Variants in MAML3 observed in about 807,000 individuals in gnomAD.
MAML3 encodes mastermind like transcriptional coactivator 3, also known as mastermind-like protein 3.
MAML3 carries 27 observed loss-of-function variants against 101.9 expected under a neutral mutation model. The observed-to-expected ratio is 0.27, with a 90% confidence interval of 0.20 to 0.37. The LOEUF is 0.37. Ranked by LOEUF, MAML3 falls within the 10% of genes least tolerant of loss-of-function variation. The pLI, the probability that MAML3 is intolerant of heterozygous loss-of-function variation, is 1.00. For synonymous variants in MAML3, 501 were observed against 555.9 expected (o/e 0.90, Z 1.39); for missense variants, 1,316 against 1,444.9 (o/e 0.91, Z 1.45).
intron 1 of MAML3, among the ~76,000 whole-genome samples, chr4:140,102,738 A>T (rs1728273573): frequency 6.6e-6 from 1 of 151,240 alleles, no homozygotes; most frequent in South Asian, 2.1e-4. Context: ...GCCAGGGTAG[A>T]CACCCTGGCT....
At chr4:139,742,163 T>G (rs1246689847) in intron 2 of MAML3, among the ~76,000 whole-genome samples, 1 of 149,410 alleles carries the variant, frequency 6.7e-6, no homozygotes, top group Non-Finnish European at 1.5e-5. Context: ...TTTTTTTTTT[T>G]TTTGAGAGAG....
At chr4:140,074,434 C>A (rs913603712) in intron 1 of MAML3, among the ~76,000 whole-genome samples, 1 of 152,114 alleles carries the variant, frequency 6.6e-6, no homozygotes, top group Admixed American at 6.5e-5. Flanking sequence ...AACAGTCATA[C>A]AGGTTGAACA....
At chr4:139,765,400 G>A (rs1729837467) in intron 2 of MAML3, among the ~76,000 whole-genome samples, 1 of 152,144 alleles carries the variant, frequency 6.6e-6, no homozygotes, top group African/African-American at 2.4e-5. Flanking sequence ...TTTAAAAAAG[G>A]AACTGCAATT....
intron 1 of MAML3, among the ~76,000 whole-genome samples, chr4:139,922,510 G>C (rs1313195949): frequency 1.3e-5 from 2 of 152,106 alleles, no homozygotes; most frequent in Non-Finnish European, 2.9e-5. Context: ...TTCTGCCTTA[G>C]CTAAGTCTGA....
rs1400893318 is a variant in MAML3 at position 139,745,342 on chromosome 4, T to C, written c.2080-14675A>G. On this transcript the variant is annotated intron_variant, in intron 2 of 4. Transcript: ENST00000509479. ...GGAATAAACGCTAAATGCATTACTT[T>C]AAGGAGATTAAGCTAGTGTCAGGTA... 2.0e-5 allele frequency among the ~76,000 whole-genome samples: 3 copies of C among 152,226 alleles called. No individual in the cohort carries two copies. In the East Asian group the frequency reaches 5.8e-4, roughly 29 times the overall value.
chr4:139,745,137 A>C (rs1438868641), intron 2 of MAML3, among the ~76,000 whole-genome samples: 2 of 149,682 alleles, frequency 1.3e-5, no homozygotes, highest in African/African-American at 4.9e-5. Flanking sequence ...GTGAGAAGAG[A>C]AGGAAGGAAG....
At chr4:139,858,372 C>A (rs779400732) in intron 2 of MAML3, among the ~76,000 whole-genome samples, 2 of 151,874 alleles carry the variant, frequency 1.3e-5, no homozygotes, top group Non-Finnish European at 2.9e-5. Context: ...GATAAACATG[C>A]CCTTTATAAT....
chr4:139,828,426 C>T (rs1731100161), intron 2 of MAML3, among the ~76,000 whole-genome samples: 1 of 152,168 alleles, frequency 6.6e-6, no homozygotes, highest in South Asian at 2.1e-4. Flanking sequence ...CTTCTTTGTC[C>T]ATCCCTTTAG....
chr4:139,889,670 G>A lies in MAML3; in HGVS notation c.1766C>T (p.Ser589Phe). 6.2e-7 allele frequency: 1 copy of A among 1,614,010 alleles called. No homozygotes were observed. Among genetic ancestry groups the A allele is most frequent in the Non-Finnish European group, 8.5e-7 (1 of 1,179,896 alleles). ...CAGAATATTGTGCTGTTTGTTTAAG[G>A]AGTTTGTACCCAAGTTATTTGGCTG... is the stretch of plus-strand genomic sequence containing the variant. ...NQQPNNLGTN[S>F]LNKQHNILTY... The change falls in exon 2 of 5, where the codon TCC becomes TTC. Residue 589 changes from serine (S) to phenylalanine (F), a missense_variant. Coordinates refer to ENST00000509479, the MANE Select transcript of MAML3 (RefSeq NM_018717.5).
chr4:139,897,550 C>A (rs950537904), intron 1 of MAML3, among the ~76,000 whole-genome samples: 3 of 152,136 alleles, frequency 2.0e-5, no homozygotes, highest in Admixed American at 2.0e-4. Context: ...CAAGAACTAT[C>A]CATTCTATGA....
In MAML3 at chr4:139,912,247, G is replaced by T. The variant is rs76683184; in HGVS notation, c.469-21280C>A. ...GTGATTAAAAAACAAATGTGGGGGA[G>T]AGATTTGTTGAGATGGAATGGGGAG... On this transcript the variant is annotated intron_variant, in intron 1 of 4. Transcript: ENST00000509479. Among the ~76,000 whole-genome samples, 1,463 of 152,316 alleles carry T rather than the reference G, an allele frequency of 9.6e-3. 21 individuals carry two copies. Among genetic ancestry groups the T allele is most frequent in the African/African-American group, 0.032 (1,323 of 41,576 alleles).
chr4:139,932,955 C>A (rs908941282), intron 1 of MAML3, among the ~76,000 whole-genome samples: 3 of 152,172 alleles, frequency 2.0e-5, no homozygotes, highest in African/African-American at 7.2e-5. Flanking sequence ...GGTCTGTCAG[C>A]TTCTGACCCT....
intron 1 of MAML3, among the ~76,000 whole-genome samples, chr4:139,974,208 C>T (rs1386757963): frequency 2.6e-5 from 4 of 151,646 alleles, no homozygotes; most frequent in Non-Finnish European, 4.4e-5. Flanking sequence ...CGGGTTCACA[C>T]CATTCTCTTG....
rs530812903 is a variant in MAML3 at position 139,745,006 on chromosome 4, T to G, written c.2080-14339A>C. On this transcript the variant is annotated intron_variant, in intron 2 of 4. Coordinates refer to ENST00000509479, the MANE Select transcript of MAML3 (RefSeq NM_018717.5). ...CTCCTTTATGAAATGAGGAAGCCAG[T>G]CCAGGTAATCTCCAAGGTTTCTACT... Among the ~76,000 whole-genome samples, 3 of 152,358 alleles carry G rather than the reference T, an allele frequency of 2.0e-5. No homozygotes were observed. In the East Asian group the frequency reaches 5.8e-4, roughly 29 times the overall value.
At chr4:139,756,047 C>T (rs1339933403) in intron 2 of MAML3, among the ~76,000 whole-genome samples, 1 of 152,130 alleles carries the variant, frequency 6.6e-6, no homozygotes, top group African/African-American at 2.4e-5. Flanking sequence ...TGTTCATCTA[C>T]ATAATTCATT....
intron 2 of MAML3, among the ~76,000 whole-genome samples, chr4:139,784,675 A>G (rs1489139340): frequency 6.6e-6 from 1 of 152,286 alleles, no homozygotes; most frequent in East Asian, 1.9e-4. Flanking sequence ...TAGTCCCCCA[A>G]TGTACTATTC....
intron 2 of MAML3, among the ~76,000 whole-genome samples, chr4:139,805,787 GC>G (rs1460559294): frequency 6.6e-6 from 1 of 152,106 alleles, no homozygotes; most frequent in Non-Finnish European, 1.5e-5. Flanking sequence ...AGCTAAGGAA[GC>G]TAAAGAAGGC....
In MAML3 at chr4:139,915,190, G is replaced by T. The variant is rs77659932; in HGVS notation, c.469-24223C>A. On this transcript the variant is annotated intron_variant, in intron 1 of 4. Coordinates refer to ENST00000509479, the MANE Select transcript of MAML3 (RefSeq NM_018717.5). ...TGTTGTTGGAGGAGCAAGGAAAAAG[G>T]CTTGAGAGGCTGATCAGGAAAATAC... 4.3e-3 allele frequency among the ~76,000 whole-genome samples: 661 copies of T among 152,304 alleles called. 9 individuals are homozygous for T. The highest frequency in any genetic ancestry group is 0.014 in the African/African-American group (595 of 41,548).
chr4:140,150,951 T>A (rs1578711567), intron 1 of MAML3, among the ~76,000 whole-genome samples: 1 of 151,104 alleles, frequency 6.6e-6, no homozygotes, highest in East Asian at 2.0e-4. Flanking sequence ...GACGGCCCCT[T>A]CTTCGCGCTC....
Sources: allele counts gnomAD v4.1 joint callset (sites outside exome capture counted in the v4.1 genomes callset), GRCh38; gene constraint gnomAD v4.1.1; transcripts MANE v1.5; gene names NCBI Gene and HGNC (gene_info 2026-07-23, HGNC 2026-07-21).